The following MOXD1 variants were observed in gnomAD, a reference collection of about 807,000 sequenced individuals.
MOXD1 encodes monooxygenase DBH like 1.
In MOXD1, 62 loss-of-function variants were observed where a neutral mutation model predicts 66.6. The observed-to-expected ratio is 0.93, with a 90% CI of 0.76 to 1.15. The LOEUF is 1.15. Ranked by LOEUF, MOXD1 falls within the 50% of genes most tolerant of loss-of-function variation. MOXD1 has a pLI of 0.00. For synonymous variants in MOXD1, 303 were observed against 281.9 expected (o/e 1.07, Z -0.75); for missense variants, 847 against 754.6 (o/e 1.12, Z -1.44).
intron 1 of MOXD1, among the ~76,000 whole-genome samples, chr6:132,385,542 G>A (rs1336492775): frequency 2.0e-5 from 3 of 150,550 alleles, no homozygotes; most frequent in South Asian, 2.1e-4. Flanking sequence ...GAAGTTCAGT[G>A]GCACAATCTT....
chr6:132,341,072 T>C (rs911784055), intron 4 of MOXD1, among the ~76,000 whole-genome samples: 7 of 152,228 alleles, frequency 4.6e-5, no homozygotes, highest in Non-Finnish European at 7.3e-5. Flanking sequence ...CATCTACTTA[T>C]CTTCTTGGAT....
chr6:132,364,066 T>C (rs950235691), intron 4 of MOXD1, among the ~76,000 whole-genome samples: 1 of 152,058 alleles, frequency 6.6e-6, no homozygotes, highest in African/African-American at 2.4e-5. Context: ...AAAAAAAAAT[T>C]GTTTCATGTC....
chr6:132,370,488 T>C (rs1403434490), intron 4 of MOXD1, among the ~76,000 whole-genome samples: 2 of 152,092 alleles, frequency 1.3e-5, no homozygotes, highest in African/African-American at 4.8e-5. Flanking sequence ...TCAAGGAAAA[T>C]GTTTCATAAT....
At chr6:132,374,975 AAGCAT>A in intron 1 of MOXD1, 198 bp from the exon 2 acceptor site, 1 of 617,390 alleles carries the variant, frequency 1.6e-6, no homozygotes, top group Non-Finnish European at 2.8e-6. Flanking sequence ...CCTTTCAGGA[AAGCAT>A]AGTGTAGACT....
At chr6:132,304,368 C>T (rs1418720896) in intron 10 of MOXD1, among the ~76,000 whole-genome samples, 22 of 152,162 alleles carry the variant, frequency 1.4e-4, no homozygotes, top group Non-Finnish European at 2.9e-4. Context: ...TTATAAATTA[C>T]CCAGTCTAAG....
At chr6:132,320,023 C>T (rs1402070286) in intron 9 of MOXD1, among the ~76,000 whole-genome samples, 1 of 152,112 alleles carries the variant, frequency 6.6e-6, no homozygotes, top group East Asian at 1.9e-4. Flanking sequence ...TTGTCAAACT[C>T]TTGTCCAAGT....
At chr6:132,377,738 A>G (rs535629525) in intron 1 of MOXD1, among the ~76,000 whole-genome samples, 17 of 152,386 alleles carry the variant, frequency 1.1e-4, no homozygotes, top group African/African-American at 4.1e-4. Context: ...AAAGAAGCTC[A>G]TATCTTCAAC....
At chr6:132,386,131 G>T (rs1198003117) in intron 1 of MOXD1, among the ~76,000 whole-genome samples, 1 of 135,942 alleles carries the variant, frequency 7.4e-6, no homozygotes, top group Non-Finnish European at 1.5e-5. Flanking sequence ...GGCCAGGCGC[G>T]GTGGCTCACG....
At chr6:132,323,850 A>C in intron 7 of MOXD1, 81 bp downstream of exon 7, 2 of 1,382,562 alleles carry the variant, frequency 1.4e-6, no homozygotes, top group Admixed American at 2.7e-5. Flanking sequence ...GATAATAAAC[A>C]TGTGCGGAAT....
chr6:132,389,072 T>C (rs932771440), intron 1 of MOXD1, among the ~76,000 whole-genome samples: 2 of 151,080 alleles, frequency 1.3e-5, no homozygotes, highest in African/African-American at 4.8e-5. Context: ...AGAGTCTTGC[T>C]CTGTTGCCCA....
intron 4 of MOXD1, among the ~76,000 whole-genome samples, chr6:132,352,957 A>G (rs1775832681): frequency 6.6e-6 from 1 of 151,986 alleles, no homozygotes; most frequent in South Asian, 2.1e-4. Flanking sequence ...AAGAATAGCT[A>G]CCCCTGCTTG....
chr6:132,309,797 C>T lies in MOXD1; in HGVS notation c.1508+5838G>A, dbSNP rs186654303. Among the ~76,000 whole-genome samples the T allele has an allele frequency of 6.6e-5, 10 of 152,284 alleles. No individual in the cohort carries two copies. The East Asian group carries it at 1.9e-3, about 29-fold the overall frequency. ...AATGGTGCTGGGAAAACTGCTTAGC[C>T]ATAGGCTGAAAACCAAAACTGAACC... On this transcript the variant is annotated intron_variant, in intron 10 of 11. Transcript: ENST00000367963.
At chr6:132,358,380 T>C (rs1775948506) in intron 4 of MOXD1, among the ~76,000 whole-genome samples, 1 of 152,232 alleles carries the variant, frequency 6.6e-6, no homozygotes, top group African/African-American at 2.4e-5. Flanking sequence ...AGGTTCCCAC[T>C]CTATGTTTAC....
intron 4 of MOXD1, among the ~76,000 whole-genome samples, chr6:132,369,456 A>G (rs1385044286): frequency 6.6e-6 from 1 of 151,700 alleles, no homozygotes; most frequent in Non-Finnish European, 1.5e-5. Flanking sequence ...TTCTTAGCAT[A>G]GGTCTTAACA....
At chr6:132,326,214 ATTATG>A (rs1467506652) in intron 6 of MOXD1, among the ~76,000 whole-genome samples, 3 of 152,026 alleles carry the variant, frequency 2.0e-5, no homozygotes, top group Admixed American at 6.6e-5. Context: ...ACAAATTCGT[ATTATG>A]TTATATTTAT....
chr6:132,315,154 CTAT>C (rs1774914483), intron 10 of MOXD1, among the ~76,000 whole-genome samples: 1 of 152,190 alleles, frequency 6.6e-6, no homozygotes, highest in Non-Finnish European at 1.5e-5. Context: ...CAGAGACCAC[CTAT>C]ATGACTAGTT....
At chr6:132,377,721 T>G (rs1012590606) in intron 1 of MOXD1, among the ~76,000 whole-genome samples, 3 of 152,222 alleles carry the variant, frequency 2.0e-5, no homozygotes, top group Non-Finnish European at 4.4e-5. Flanking sequence ...AAAGAAGCAG[T>G]TGTCTAAAAG....
chr6:132,372,461 C>T (rs1278351368), intron 4 of MOXD1, 147 bp downstream of exon 4: 6 of 677,728 alleles, frequency 8.9e-6, no homozygotes, highest in Non-Finnish European at 1.5e-5. Flanking sequence ...AAAAAGTATG[C>T]AGGTCAGCCA....
chr6:132,299,337 C>A (rs1381299211), intron 10 of MOXD1, among the ~76,000 whole-genome samples: 1 of 152,118 alleles, frequency 6.6e-6, no homozygotes, highest in South Asian at 2.1e-4. Context: ...GGCTCACTAC[C>A]TGGGTGATGG....
Sources: allele counts gnomAD v4.1 joint callset (sites outside exome capture counted in the v4.1 genomes callset), GRCh38; gene constraint gnomAD v4.1.1; transcripts MANE v1.5; gene names NCBI Gene and HGNC (gene_info 2026-07-23, HGNC 2026-07-21).